OCIAD1: variants seen among roughly 807,000 people sequenced by gnomAD.
OCIAD1 encodes OCIA domain containing 1.
A neutral mutation model predicts 38.9 loss-of-function variants in OCIAD1; 29 were observed. The ratio of observed to expected loss-of-function variants is 0.74; its 90% CI spans 0.55 to 1.02. OCIAD1 has a LOEUF of 1.02. OCIAD1 is among the 50% of genes least tolerant of loss of function. The pLI, the probability that OCIAD1 is intolerant of heterozygous loss-of-function variation, is 0.00. For missense variants in OCIAD1, 288 were observed against 289.6 expected (o/e 0.99, Z 0.04); for synonymous variants, 110 against 92.0 (o/e 1.20, Z -1.12).
chr4:48,857,651 CTAGGACTACAGG>C (rs1780180776), intron 8 of OCIAD1, among the ~76,000 whole-genome samples: 2 of 152,084 alleles, frequency 1.3e-5, no homozygotes, highest in African/African-American at 2.4e-5. Context: ...TCCCAAATAG[CTAGGACTACAGG>C]CCCCCACGCC....
chr4:48,831,545 G>A, intron 1 of OCIAD1: 1 of 1,290,756 alleles, frequency 7.7e-7, no homozygotes, highest in Non-Finnish European at 1.0e-6. Flanking sequence ...ATCAGCGGTT[G>A]TAGGCCGCTT....
chr4:48,817,298 C>T (rs1298375446), intron 1 of OCIAD1, among the ~76,000 whole-genome samples: 3 of 152,146 alleles, frequency 2.0e-5, no homozygotes, highest in East Asian at 1.9e-4. Context: ...AGATTCCTAC[C>T]GGGGCCCTGG....
At position 48,861,327 on chromosome 4, in the gene OCIAD1, A is replaced by T. The variant is rs1253274292; in HGVS notation, c.*565A>T. On this transcript the variant is annotated 3_prime_UTR_variant, in exon 9 of 9. Coordinates refer to ENST00000264312, the MANE Select transcript of OCIAD1 (RefSeq NM_017830.4). ...ATTTTTAAGCTAGTTATAATCATGT[A>T]GGTATAGGAAATAAAGTCATCTATA... The T allele has an allele frequency of 6.6e-6, 1 of 152,316 alleles. No homozygotes were observed. The highest frequency in any genetic ancestry group is 2.4e-5 in the African/African-American group (1 of 41,440). The allele number at this position is 152,316 out of a possible 1,614,324, so 9.4% of individuals were successfully genotyped here.
rs1301086325 is a variant in OCIAD1, at chr4:48,851,868, C to T, written c.440C>T (p.Ser147Phe). 2 of 1,613,428 alleles carry T rather than the reference C, an allele frequency of 1.2e-6. No homozygotes were observed. The highest frequency in any genetic ancestry group is 1.7e-6 in the Non-Finnish European group (2 of 1,179,532). The change falls in exon 7 of 9, where the codon TCC (serine) becomes TTC (phenylalanine). Residue 147 changes from serine (S) to phenylalanine (F), a missense_variant. Coordinates refer to ENST00000264312, the MANE Select transcript of OCIAD1 (RefSeq NM_017830.4). ...AGTGGTCAATCATCTTTTGTGACAT[C>T]CCCAGCAGCAGACAACATAGAAATG... ...SVSGQSSFVTSPAADNIEMLP... is the reference protein window; with the variant it reads ...SVSGQSSFVTFPAADNIEMLP...
At chr4:48,857,470 C>A (rs1310587962) in intron 8 of OCIAD1, 105 bp downstream of exon 8, 2 of 601,538 alleles carry the variant, frequency 3.3e-6, no homozygotes, top group South Asian at 5.0e-5. Flanking sequence ...TTTAACTCTT[C>A]AAGCAATTAA....
intron 7 of OCIAD1, chr4:48,856,371 C>T (rs1459599143): frequency 6.6e-6 from 1 of 152,088 alleles, no homozygotes; most frequent in Non-Finnish European, 1.5e-5. Flanking sequence ...TTATACTTTT[C>T]AAGTAATTAT....
chr4:48,819,350 G>A (rs1777169131), intron 1 of OCIAD1, among the ~76,000 whole-genome samples: 1 of 152,070 alleles, frequency 6.6e-6, no homozygotes, highest in South Asian at 2.1e-4. Flanking sequence ...CAAATGCTGA[G>A]GGATTTTTCT....
chr4:48,832,433 C>T (rs1297575894), intron 1 of OCIAD1, among the ~76,000 whole-genome samples, 187 bp from the exon 2 acceptor site: 2 of 152,156 alleles, frequency 1.3e-5, no homozygotes, highest in Non-Finnish European at 2.9e-5. Context: ...CCAAATTAAT[C>T]AGTAGGTCTG....
chr4:48,839,360 C>T lies in OCIAD1; in HGVS notation c.140-3276C>T, dbSNP rs372117571. Among the ~76,000 whole-genome samples, 78 of 149,158 alleles carry T rather than the reference C, an allele frequency of 5.2e-4. No individual in the cohort carries two copies. The East Asian group carries it at 0.013, about 24-fold the overall frequency. On this transcript the variant is annotated intron_variant, in intron 3 of 8. Transcript: ENST00000264312. ...CTGAGGCAGGAGAATGGCTTGAACTCGGGAGGCAGAGGTTGCATTGAGTCA... is the reference window on the plus strand; with the variant it reads ...CTGAGGCAGGAGAATGGCTTGAACTTGGGAGGCAGAGGTTGCATTGAGTCA...
intron 1 of OCIAD1, among the ~76,000 whole-genome samples, chr4:48,819,740 A>AAAAAAAAG (rs1381189214): frequency 2.1e-5 from 3 of 145,454 alleles, no homozygotes; most frequent in Non-Finnish European, 3.0e-5. Context: ...AAAAAAAAAA[A>AAAAAAAAG]AAAAGGAGGG....
chr4:48,812,282 CAAAAAAAAAAA>C (rs397881494), intron 1 of OCIAD1, among the ~76,000 whole-genome samples: 21 of 25,072 alleles, frequency 8.4e-4, no homozygotes, highest in East Asian at 1.9e-3. Context: ...GAGTTGGTCT[CAAAAAAAAAAA>C]AAAAAAAAAA....
At chr4:48,855,815 CAAAA>C (rs752582945) in intron 7 of OCIAD1, among the ~76,000 whole-genome samples, 1 of 83,510 alleles carries the variant, frequency 1.2e-5, no homozygotes, top group African/African-American at 4.4e-5. Flanking sequence ...GACTCTGTCT[CAAAA>C]AAAAAAAAAA....
intron 4 of OCIAD1, among the ~76,000 whole-genome samples, chr4:48,847,824 T>C (rs1288889975): frequency 6.6e-6 from 1 of 152,228 alleles, no homozygotes; most frequent in African/African-American, 2.4e-5. Context: ...ATAATACGAT[T>C]CTTCAGTGTT....
chr4:48,812,123 A>T (rs182445901), intron 1 of OCIAD1, among the ~76,000 whole-genome samples: 1 of 151,800 alleles, frequency 6.6e-6, no homozygotes, highest in South Asian at 2.1e-4. Context: ...TCTACTAAAA[A>T]TACAAAAAAA....
At chr4:48,818,128 A>T (rs1478777679) in intron 1 of OCIAD1, among the ~76,000 whole-genome samples, 4 of 152,310 alleles carry the variant, frequency 2.6e-5, no homozygotes, top group South Asian at 2.1e-4. Context: ...CCTGACTGGG[A>T]ATAACCTCCC....
chr4:48,812,229 G>GCCGAAAT (rs1777095407), intron 1 of OCIAD1, among the ~76,000 whole-genome samples: 1 of 120,068 alleles, frequency 8.3e-6, no homozygotes, highest in Non-Finnish European at 1.6e-5. Flanking sequence ...GTTGCAGTGA[G>GCCGAAAT]CCGAAATCAT....
At chr4:48,853,431 A>C (rs1181139371) in intron 7 of OCIAD1, among the ~76,000 whole-genome samples, 1 of 152,206 alleles carries the variant, frequency 6.6e-6, no homozygotes, top group Non-Finnish European at 1.5e-5. Flanking sequence ...AACCTCAGAA[A>C]CTTTGAATAG....
intron 1 of OCIAD1, among the ~76,000 whole-genome samples, chr4:48,821,251 C>T (rs1233741036): frequency 1.3e-5 from 2 of 152,162 alleles, no homozygotes; most frequent in South Asian, 2.1e-4. Flanking sequence ...TCAACATACT[C>T]AAATCAATGA....
intron 3 of OCIAD1, among the ~76,000 whole-genome samples, chr4:48,839,504 C>T (rs79845185): frequency 2.0e-5 from 3 of 151,676 alleles, no homozygotes; most frequent in Non-Finnish European, 2.9e-5. Context: ...GCTCCACACA[C>T]AGTAGCTGTG....
Sources: allele counts gnomAD v4.1 joint callset (sites outside exome capture counted in the v4.1 genomes callset), GRCh38; gene constraint gnomAD v4.1.1; transcripts MANE v1.5; gene names NCBI Gene and HGNC (gene_info 2026-07-23, HGNC 2026-07-21).